DIAPH2: variants seen among roughly 807,000 people sequenced by gnomAD.
DIAPH2 encodes protein diaphanous homolog 2.
A neutral mutation model predicts 92.7 loss-of-function variants in DIAPH2; 35 were observed. The ratio of observed to expected loss-of-function variants is 0.38; its 90% CI spans 0.29 to 0.50. The LOEUF (loss-of-function observed/expected upper bound fraction) is 0.50, where lower values mean the gene tolerates loss of function less well. Ranked by LOEUF, DIAPH2 falls within the 20% of genes least tolerant of loss-of-function variation. The probability of loss-of-function intolerance (pLI) is 0.94; values close to 1 mark genes in which losing one functional copy is unlikely to be tolerated. For synonymous variants in DIAPH2, 301 were observed against 280.4 expected (o/e 1.07, Z -0.73); for missense variants, 701 against 819.5 (o/e 0.86, Z 1.77).
intron 26 of DIAPH2, among the ~76,000 whole-genome samples, chrX:97,487,133 G>A (rs1027501086): frequency 6.2e-5 from 7 of 112,089 alleles, no homozygotes; most frequent in East Asian, 2.8e-4. Context: ...TCCATTGTAC[G>A]TACATACCAC....
At chrX:97,138,974 A>T (rs1252627605) in intron 21 of DIAPH2, among the ~76,000 whole-genome samples, 1 of 111,761 alleles carries the variant, frequency 8.9e-6, no homozygotes, top group Admixed American at 9.5e-5. Context: ...ATATGATTTC[A>T]TATTAAACAG....
chrX:97,555,231 G>T (rs899027542), intron 26 of DIAPH2, among the ~76,000 whole-genome samples: 1 of 111,871 alleles, frequency 8.9e-6, no homozygotes, highest in African/African-American at 3.3e-5. Context: ...ACCCATCACT[G>T]GAAGAAAGAA....
intron 5 of DIAPH2, among the ~76,000 whole-genome samples, chrX:96,898,320 G>A (rs2065362780): frequency 1.9e-5 from 2 of 104,544 alleles, no homozygotes; most frequent in South Asian, 4.9e-4. Context: ...CGCAATGGTT[G>A]AACCAGTTTA....
intron 26 of DIAPH2, among the ~76,000 whole-genome samples, chrX:97,458,273 T>C (rs746828110): frequency 1.2e-3 from 134 of 109,232 alleles, no homozygotes; most frequent in African/African-American, 4.2e-3. Context: ...GGGGTTTTTT[T>C]TCCATTTTCT....
chrX:97,454,682 C>T (rs534071147), intron 26 of DIAPH2, among the ~76,000 whole-genome samples: 19 of 110,044 alleles, frequency 1.7e-4, no homozygotes, highest in Admixed American at 1.5e-3. Flanking sequence ...GGTGAAATTC[C>T]ATCTCTACTA....
intron 3 of DIAPH2, among the ~76,000 whole-genome samples, chrX:96,748,397 T>C (rs917218016): frequency 1.8e-5 from 2 of 111,968 alleles, no homozygotes; most frequent in Non-Finnish European, 3.8e-5. Context: ...GTGAATAGGC[T>C]ACTGTGGGAA....
intron 15 of DIAPH2, among the ~76,000 whole-genome samples, chrX:96,951,044 A>G (rs916718999): frequency 8.9e-6 from 1 of 111,969 alleles, no homozygotes; most frequent in African/African-American, 3.2e-5. Context: ...GAGATTCATA[A>G]TACTCATTAG....
intron 5 of DIAPH2, among the ~76,000 whole-genome samples, chrX:96,912,084 GT>G (rs1382960508): frequency 9.0e-6 from 1 of 111,064 alleles, no homozygotes; most frequent in Non-Finnish European, 1.9e-5. Flanking sequence ...TGTCATGCTG[GT>G]GAAACAACCA....
intron 26 of DIAPH2, among the ~76,000 whole-genome samples, chrX:97,533,892 G>C (rs1346818369): frequency 9.0e-6 from 1 of 111,371 alleles, no homozygotes; most frequent in Admixed American, 9.6e-5. Context: ...GATTTCCTTT[G>C]ACAATGTTCT....
At chrX:96,977,880 C>T (rs980345670) in intron 17 of DIAPH2, among the ~76,000 whole-genome samples, 19 of 111,367 alleles carry the variant, frequency 1.7e-4, no homozygotes, top group African/African-American at 5.6e-4. Flanking sequence ...GACGGCATTT[C>T]GCCATGTTGG....
chrX:97,236,843 G>A (rs1187469385), intron 22 of DIAPH2, among the ~76,000 whole-genome samples: 1 of 111,458 alleles, frequency 9.0e-6, no homozygotes, highest in Non-Finnish European at 1.9e-5. Context: ...CGCGCCCGGC[G>A]TGTAAAGTTT....
intron 19 of DIAPH2, among the ~76,000 whole-genome samples, chrX:97,096,970 G>A (rs957905953): frequency 1.8e-5 from 2 of 111,154 alleles, no homozygotes; most frequent in Non-Finnish European, 3.8e-5. Flanking sequence ...GGCTGATTCC[G>A]AGGACTCTGT....
chrX:97,338,135 G>A (rs1175336560), intron 23 of DIAPH2, among the ~76,000 whole-genome samples: 1 of 110,805 alleles, frequency 9.0e-6, no homozygotes, highest in African/African-American at 3.3e-5. Context: ...GCCTCCCAAA[G>A]TGCTGGGATT....
chrX:97,512,118 G>T (rs1485449582), intron 26 of DIAPH2, among the ~76,000 whole-genome samples: 21 of 112,817 alleles, frequency 1.9e-4, no homozygotes, highest in Admixed American at 1.5e-3. Flanking sequence ...GGTAGAATTC[G>T]GCTGTGAATC....
rs2071601472 is a variant in DIAPH2, at chrX:97,602,405, G to C, written c.*3088G>C. 8.9e-6 allele frequency: 1 copy of C among 112,414 alleles called. No homozygotes were observed. Among genetic ancestry groups the C allele is most frequent in the African/African-American group, 3.2e-5 (1 of 30,928 alleles). 9.3% of individuals were successfully genotyped at this position (112,414 alleles called of 1,213,427 possible). ...TGAGGCCAAATTCCTCTTCCTCTGA[G>C]AACCAGTGAAACAGAAAAGTTAATC... On this transcript the variant is annotated 3_prime_UTR_variant, in exon 27 of 27. Coordinates refer to ENST00000324765, the MANE Select transcript of DIAPH2 (RefSeq NM_006729.5).
intron 26 of DIAPH2, among the ~76,000 whole-genome samples, chrX:97,598,725 A>C (rs1316867670): frequency 8.9e-6 from 1 of 111,831 alleles, no homozygotes; most frequent in Non-Finnish European, 1.9e-5. Flanking sequence ...CATGATGACT[A>C]TATAATATAT....
chrX:97,168,756 T>A (rs1602388330), intron 22 of DIAPH2, among the ~76,000 whole-genome samples: 1 of 112,022 alleles, frequency 8.9e-6, no homozygotes, highest in Non-Finnish European at 1.9e-5. Flanking sequence ...AAGCTGCAGA[T>A]CAGGGTGCCA....
At chrX:96,955,641 C>A (rs995089854) in intron 15 of DIAPH2, among the ~76,000 whole-genome samples, 1 of 111,985 alleles carries the variant, frequency 8.9e-6, no homozygotes, top group African/African-American at 3.2e-5. Flanking sequence ...GGTAAATACA[C>A]CCATTTCAAA....
rs776483759 is a variant in DIAPH2, at chrX:97,150,055, A to G, written c.2719+8261A>G. ...GGTAAGAACACTTAACATGAGATCT[A>G]CCCTCTTAAATTTTTAAGTGTGTAA... On this transcript the variant is annotated intron_variant, in intron 22 of 26. Coordinates refer to ENST00000324765, the MANE Select transcript of DIAPH2 (RefSeq NM_006729.5). Among the ~76,000 whole-genome samples the G allele has an allele frequency of 7.2e-5, 8 of 110,994 alleles. No homozygotes were observed. In the East Asian group the frequency reaches 1.1e-3, roughly 16 times the overall value.
Sources: gnomAD v4.1 joint callset for allele counts (sites outside exome capture counted in the v4.1 genomes callset) on GRCh38, gnomAD v4.1.1 for gene constraint, MANE v1.5 for transcripts, NCBI Gene and HGNC (gene_info 2026-07-23, HGNC 2026-07-21) for gene names.